The following PCDH15 variants were observed in gnomAD, a reference collection of about 807,000 sequenced individuals.
PCDH15 encodes the protein protocadherin-15.
In PCDH15, 129 loss-of-function variants were observed where a neutral mutation model predicts 178.5. The observed-to-expected ratio is 0.72, with a 90% confidence interval of 0.63 to 0.84. The LOEUF is 0.84. PCDH15 is among the 40% of genes least tolerant of loss of function. The pLI, the probability that PCDH15 is intolerant of heterozygous loss-of-function variation, is 0.00. For missense variants in PCDH15, 2,230 were observed against 2,099.9 expected (o/e 1.06, Z -1.21); for synonymous variants, 800 against 732.0 (o/e 1.09, Z -1.50).
intron 3 of PCDH15, among the ~76,000 whole-genome samples, chr10:54,404,111 G>A (rs1047899911): frequency 6.6e-6 from 1 of 151,378 alleles, no homozygotes; most frequent in Admixed American, 6.6e-5. Context: ...ACTAGAAAAG[G>A]CTATTTTAAT....
In PCDH15 at chr10:54,600,166, A is replaced by G. The variant is rs1350064994; in HGVS notation, c.91+64006T>C. The G allele has an allele frequency of 4.4e-6, 3 of 683,912 alleles. No individual in the cohort carries two copies. In the African/African-American group the frequency reaches 5.5e-5, roughly 12 times the overall value. The allele number at this position is 683,912 out of a possible 1,614,324, so 42.4% of individuals were successfully genotyped here. On this transcript the variant is annotated intron_variant, in intron 2 of 37. Coordinates refer to ENST00000644397, the MANE Select transcript of PCDH15 (RefSeq NM_001384140.1). ...TGAGTCCCTGGTAAAGGAGGAAGCC[A>G]TGGAGGAGGCAGTCACCATTACCAA... is the stretch of plus-strand genomic sequence containing the variant.
At chr10:54,608,550 G>A (rs1277159053) in intron 2 of PCDH15, among the ~76,000 whole-genome samples, 1 of 151,982 alleles carries the variant, frequency 6.6e-6, no homozygotes, top group Non-Finnish European at 1.5e-5. Context: ...TATCTAGGCT[G>A]CAGTGATCTG....
intron 2 of PCDH15, among the ~76,000 whole-genome samples, chr10:55,360,116 G>A (rs1845192561): frequency 6.6e-6 from 1 of 151,792 alleles, no homozygotes; most frequent in African/African-American, 2.4e-5. Flanking sequence ...ACTTTCAATG[G>A]AGCTTTTAAA....
At chr10:53,936,555 T>C (rs2085591520) in intron 25 of PCDH15, among the ~76,000 whole-genome samples, 1 of 152,190 alleles carries the variant, frequency 6.6e-6, no homozygotes, top group Admixed American at 6.5e-5. Context: ...ATATTCTCTG[T>C]AATTTTTGTA....
intron 3 of PCDH15, among the ~76,000 whole-genome samples, chr10:54,453,315 C>T (rs1197136359): frequency 2.0e-5 from 3 of 152,120 alleles, no homozygotes; most frequent in Non-Finnish European, 2.9e-5. Flanking sequence ...CCATGGAATA[C>T]TATGCAGCCA....
At position 54,351,751 on chromosome 10, in the gene PCDH15, C is replaced by T. The variant is rs553013371; in HGVS notation, c.475-5267G>A. Among the ~76,000 whole-genome samples the T allele has an allele frequency of 2.6e-5, 4 of 152,180 alleles. No homozygotes were observed. In the East Asian group the frequency reaches 7.7e-4, roughly 29 times the overall value. ...TTCTGGCAGCTCACTGTCAAAAAAC[C>T]CTGCCCACCTTTTTTTGCTTCCATG... is the stretch of plus-strand genomic sequence containing the variant. On this transcript the variant is annotated intron_variant, in intron 5 of 37. Transcript: ENST00000644397.
chr10:53,999,551 T>C (rs2253198), intron 20 of PCDH15, among the ~76,000 whole-genome samples: 8,966 of 152,204 alleles, frequency 0.059, 385 homozygotes, highest in African/African-American at 0.11. Flanking sequence ...CACAAGCTGA[T>C]TTAAGAGGCC....
intron 3 of PCDH15, among the ~76,000 whole-genome samples, chr10:54,459,471 T>C (rs1237818066): frequency 6.6e-6 from 1 of 152,176 alleles, no homozygotes; most frequent in Middle Eastern, 3.4e-3. Context: ...GAAGTCGTAG[T>C]TGTCAAGAAC....
intron 5 of PCDH15, among the ~76,000 whole-genome samples, chr10:54,359,922 CATA>C (rs1945730541): frequency 6.6e-6 from 1 of 151,950 alleles, no homozygotes; most frequent in South Asian, 2.1e-4. Context: ...GAGAAACAAG[CATA>C]ATAATATTTA....
chr10:54,116,114 G>A (rs533988146), intron 15 of PCDH15, among the ~76,000 whole-genome samples: 2 of 152,030 alleles, frequency 1.3e-5, no homozygotes, highest in East Asian at 1.9e-4. Context: ...GGAGATTGGG[G>A]TACACTGTAG....
chr10:55,342,632 C>T (rs1409308125), intron 2 of PCDH15, among the ~76,000 whole-genome samples: 1 of 151,968 alleles, frequency 6.6e-6, no homozygotes, highest in Non-Finnish European at 1.5e-5. Context: ...GATAACCAGG[C>T]TTTTAATTTC....
intron 2 of PCDH15, among the ~76,000 whole-genome samples, chr10:54,596,747 G>GA (rs966478788): frequency 4.6e-5 from 7 of 151,720 alleles, no homozygotes; most frequent in East Asian, 1.9e-4. Context: ...TAAAGGAATG[G>GA]AAAAAAATCT....
chr10:55,061,808 T>C (rs1185210803), intron 2 of PCDH15, among the ~76,000 whole-genome samples: 2 of 152,008 alleles, frequency 1.3e-5, no homozygotes, highest in Non-Finnish European at 2.9e-5. Flanking sequence ...GATCACGAGG[T>C]CAAGAGATTG....
At chr10:53,959,877 T>G (rs746880065) in intron 22 of PCDH15, 33 bp from the exon 23 acceptor site, 7 of 1,544,928 alleles carry the variant, frequency 4.5e-6, no homozygotes, top group Non-Finnish European at 6.3e-6. Context: ...TGTTAAAGAT[T>G]ATAAGTAAGA....
intron 2 of PCDH15, among the ~76,000 whole-genome samples, chr10:55,610,831 G>C (rs2132159428): frequency 6.6e-6 from 1 of 152,128 alleles, no homozygotes; most frequent in African/African-American, 2.4e-5. Flanking sequence ...CCAGAAATCT[G>C]TCCTACAACA....
intron 2 of PCDH15, among the ~76,000 whole-genome samples, chr10:54,635,313 T>A (rs1388238705): frequency 2.6e-5 from 4 of 151,668 alleles, no homozygotes; most frequent in Non-Finnish European, 4.4e-5. Flanking sequence ...CTTCAAAAAC[T>A]CGAGTAAAAC....
intron 1 of PCDH15, among the ~76,000 whole-genome samples, chr10:55,307,802 A>C (rs1843470918): frequency 6.6e-6 from 1 of 151,962 alleles, no homozygotes; most frequent in Admixed American, 6.6e-5. Flanking sequence ...CCTAATAATA[A>C]TTTTAGATGC....
intron 3 of PCDH15, among the ~76,000 whole-genome samples, chr10:54,477,318 C>T (rs1426394642): frequency 1.3e-5 from 2 of 152,160 alleles, no homozygotes; most frequent in Non-Finnish European, 2.9e-5. Context: ...CTTTAGTCCT[C>T]ATATGATAAG....
At chr10:55,344,721 A>C (rs1011264435) in intron 2 of PCDH15, among the ~76,000 whole-genome samples, 8 of 152,092 alleles carry the variant, frequency 5.3e-5, no homozygotes, top group Non-Finnish European at 1.0e-4. Flanking sequence ...TAGGCAGTTG[A>C]TTATAGACTT....
Sources: gnomAD v4.1 joint callset for allele counts (sites outside exome capture counted in the v4.1 genomes callset) on GRCh38, gnomAD v4.1.1 for gene constraint, MANE v1.5 for transcripts, NCBI Gene and HGNC (gene_info 2026-07-23, HGNC 2026-07-21) for gene names.